The following AK5 variants were observed in gnomAD, a reference collection of about 807,000 sequenced individuals.
AK5 encodes the protein adenylate kinase isoenzyme 5.
AK5 carries 27 observed loss-of-function variants against 69.5 expected under a neutral mutation model. The ratio of observed to expected loss-of-function variants is 0.39; its 90% CI spans 0.29 to 0.54. The LOEUF (loss-of-function observed/expected upper bound fraction) is 0.54, where lower values mean the gene tolerates loss of function less well. Ranked by LOEUF, AK5 falls within the 20% of genes least tolerant of loss-of-function variation. The probability of loss-of-function intolerance (pLI) is 0.71; values close to 1 mark genes in which losing one functional copy is unlikely to be tolerated. For missense variants in AK5, 531 were observed against 700.4 expected (o/e 0.76, Z 2.73); for synonymous variants, 260 against 244.4 (o/e 1.06, Z -0.60).
At chr1:77,412,435 C>G (rs1482322729) in intron 7 of AK5, among the ~76,000 whole-genome samples, 2 of 152,180 alleles carry the variant, frequency 1.3e-5, no homozygotes, top group Non-Finnish European at 2.9e-5. Context: ...TCAACTCCCG[C>G]TAACTCTTCC....
At chr1:77,497,719 C>G (rs1656431612) in intron 10 of AK5, among the ~76,000 whole-genome samples, 1 of 152,058 alleles carries the variant, frequency 6.6e-6, no homozygotes, top group Admixed American at 6.5e-5. Context: ...CCCGGAGTAG[C>G]TGAGACTACA....
intron 8 of AK5, among the ~76,000 whole-genome samples, chr1:77,448,114 C>T (rs369271486): frequency 6.6e-5 from 10 of 152,234 alleles, no homozygotes; most frequent in South Asian, 6.2e-4. Context: ...CTGTGGACAG[C>T]GGGTTGATGG....
intron 6 of AK5, among the ~76,000 whole-genome samples, chr1:77,383,988 G>A (rs1647832182): frequency 6.6e-6 from 1 of 151,992 alleles, no homozygotes; most frequent in African/African-American, 2.4e-5. Flanking sequence ...GATTAAAAAT[G>A]TTATATTAGA....
At chr1:77,372,456 G>T (rs958653329) in intron 6 of AK5, among the ~76,000 whole-genome samples, 1 of 152,090 alleles carries the variant, frequency 6.6e-6, no homozygotes, top group African/African-American at 2.4e-5. Flanking sequence ...AAAAGAAGAG[G>T]CATCTTCAAC....
intron 12 of AK5, among the ~76,000 whole-genome samples, 168 bp from the exon 13 acceptor site, chr1:77,535,679 C>T (rs1327603226): frequency 1.3e-5 from 2 of 152,132 alleles, no homozygotes; most frequent in African/African-American, 4.8e-5. Flanking sequence ...GGGAACTGAC[C>T]TGGAAGGGGG....
At chr1:77,407,750 A>C (rs1649755905) in intron 6 of AK5, among the ~76,000 whole-genome samples, 1 of 152,172 alleles carries the variant, frequency 6.6e-6, no homozygotes, top group South Asian at 2.1e-4. Context: ...CACAGTACCC[A>C]ATAGATAGTT....
At chr1:77,395,504 G>A (rs1282269272) in intron 6 of AK5, among the ~76,000 whole-genome samples, 1 of 152,156 alleles carries the variant, frequency 6.6e-6, no homozygotes, top group Non-Finnish European at 1.5e-5. Flanking sequence ...CCTTTAAGAG[G>A]AGGCTGACCA....
At chr1:77,501,704 G>A (rs1656731125) in intron 10 of AK5, among the ~76,000 whole-genome samples, 1 of 152,090 alleles carries the variant, frequency 6.6e-6, no homozygotes, top group Non-Finnish European at 1.5e-5. Flanking sequence ...TTTTAATACT[G>A]TCCATGAATG....
At chr1:77,365,881 C>T (rs1646941132) in intron 6 of AK5, among the ~76,000 whole-genome samples, 1 of 152,126 alleles carries the variant, frequency 6.6e-6, no homozygotes, top group African/African-American at 2.4e-5. Flanking sequence ...TAAATATGCA[C>T]ATTGCTTTTA....
chr1:77,495,514 C>T (rs920627337), intron 10 of AK5, among the ~76,000 whole-genome samples: 1 of 152,188 alleles, frequency 6.6e-6, no homozygotes, highest in Non-Finnish European at 1.5e-5. Context: ...TCCATTTTAA[C>T]TTCAAAACAG....
rs1205238556 is a variant in AK5, at chr1:77,439,001, A to G, written c.1059+21286A>G. On this transcript the variant is annotated intron_variant, in intron 8 of 13. Transcript: ENST00000354567. ...AAAATCTGAGAAGAAATTCTCCAGGACCAAAAAGGCGACTCGTAGAAACGA... is the reference window on the plus strand; with the variant it reads ...AAAATCTGAGAAGAAATTCTCCAGGGCCAAAAAGGCGACTCGTAGAAACGA... Among the ~76,000 whole-genome samples the G allele has an allele frequency of 2.6e-5, 4 of 152,170 alleles. No individual in the cohort carries two copies. The East Asian group carries it at 7.7e-4, about 29-fold the overall frequency.
intron 5 of AK5, among the ~76,000 whole-genome samples, chr1:77,336,648 C>T (rs758979764): frequency 5.9e-5 from 9 of 152,084 alleles, no homozygotes; most frequent in Non-Finnish European, 1.2e-4. Context: ...TGTGTACTTA[C>T]TATTGCCAGT....
chr1:77,485,166 T>A (rs1655511662), intron 9 of AK5, among the ~76,000 whole-genome samples: 1 of 152,244 alleles, frequency 6.6e-6, no homozygotes, highest in African/African-American at 2.4e-5. Context: ...CCTGTCACCA[T>A]GGGTTATTCT....
chr1:77,541,923 C>A (rs1320640464), intron 13 of AK5, among the ~76,000 whole-genome samples: 1 of 152,150 alleles, frequency 6.6e-6, no homozygotes, highest in Non-Finnish European at 1.5e-5. Context: ...GCTGGGGTCA[C>A]AGGGGGCTTT....
intron 2 of AK5, 145 bp from the exon 3 acceptor site, chr1:77,293,648 C>A: frequency 1.5e-6 from 1 of 659,688 alleles, no homozygotes; most frequent in South Asian, 2.4e-5. Context: ...ACAATAAAGC[C>A]TGCTGACCAC....
intron 6 of AK5, among the ~76,000 whole-genome samples, chr1:77,389,577 A>ATTAATAGGAAATTTGT (rs1168211964): frequency 1.4e-4 from 22 of 152,230 alleles, no homozygotes; most frequent in African/African-American, 3.4e-4. Flanking sequence ...AGAAACTGAT[A>ATTAATAGGAAATTTGT]GTGTGATTAA....
intron 7 of AK5, among the ~76,000 whole-genome samples, chr1:77,416,271 T>C (rs1170985145): frequency 6.6e-6 from 1 of 152,172 alleles, no homozygotes; most frequent in Non-Finnish European, 1.5e-5. Flanking sequence ...TTCTAATCTC[T>C]GTTAATAGTA....
chr1:77,482,986 G>A (rs1655353950), intron 8 of AK5, among the ~76,000 whole-genome samples: 1 of 99,412 alleles, frequency 1.0e-5, no homozygotes, highest in Non-Finnish European at 1.8e-5. Flanking sequence ...GATAGTTTTT[G>A]CACTTTAAAA....
intron 2 of AK5, among the ~76,000 whole-genome samples, chr1:77,292,468 G>A (rs1430917934): frequency 6.6e-6 from 1 of 152,144 alleles, no homozygotes; most frequent in Non-Finnish European, 1.5e-5. Context: ...GCCATGCTAA[G>A]ATACAGTAGT....
Sources: gnomAD v4.1 joint callset for allele counts (sites outside exome capture counted in the v4.1 genomes callset) on GRCh38, gnomAD v4.1.1 for gene constraint, MANE v1.5 for transcripts, NCBI Gene and HGNC (gene_info 2026-07-23, HGNC 2026-07-21) for gene names.